The following EPHA6 variants were observed in gnomAD, a reference collection of about 807,000 sequenced individuals.
The protein encoded by EPHA6 is EPH receptor A6, also known as ephrin type-A receptor 6.
EPHA6 carries 50 observed loss-of-function variants against 112.0 expected under a neutral mutation model. That is an observed-to-expected ratio of 0.45 (90% CI 0.36 to 0.56). EPHA6 has a LOEUF of 0.56. EPHA6 is among the 20% of genes least tolerant of loss of function. The pLI is 0.00. For missense variants in EPHA6, 1,280 were observed against 1,417.4 expected (o/e 0.90, Z 1.56); for synonymous variants, 529 against 490.7 (o/e 1.08, Z -1.03).
intron 2 of EPHA6, among the ~76,000 whole-genome samples, chr3:96,904,942 G>T (rs1451482266): frequency 6.6e-6 from 1 of 152,084 alleles, no homozygotes; most frequent in Non-Finnish European, 1.5e-5. Flanking sequence ...TAGCACCCTT[G>T]TTTATGCTGA....
intron 10 of EPHA6, among the ~76,000 whole-genome samples, chr3:97,510,457 T>C (rs1438508682): frequency 6.6e-6 from 1 of 152,188 alleles, no homozygotes; most frequent in Non-Finnish European, 1.5e-5. Flanking sequence ...CTGCTGCAGG[T>C]CTGCTGGGGT....
In EPHA6 at chr3:97,748,722, T is replaced by C. The variant is rs1363032813; in HGVS notation, c.*21T>C. The stretch of plus-strand genomic sequence containing the variant: ...TATGAAAGTACCACAAGCACCTGTG[T>C]TTTGTGCCTCAGCATTTCTAAAATG... On this transcript the variant is annotated 3_prime_UTR_variant, in exon 18 of 18. Transcript: ENST00000389672. The C allele has an allele frequency of 7.7e-7, 1 of 1,297,746 alleles. No individual in the cohort carries two copies. The highest frequency in any genetic ancestry group is 2.3e-5 in the East Asian group (1 of 43,324). 80.4% of individuals were successfully genotyped at this position (1,297,746 alleles called of 1,614,324 possible).
chr3:97,366,443 T>A (rs1432882567), intron 5 of EPHA6, among the ~76,000 whole-genome samples: 1 of 152,202 alleles, frequency 6.6e-6, no homozygotes, highest in Non-Finnish European at 1.5e-5. Flanking sequence ...TGTAAAACCG[T>A]CTTTTAAAAT....
At chr3:97,581,962 G>T (rs1025712229) in intron 11 of EPHA6, among the ~76,000 whole-genome samples, 1 of 152,158 alleles carries the variant, frequency 6.6e-6, no homozygotes, top group East Asian at 1.9e-4. Flanking sequence ...GAATCTTCCT[G>T]TATGTTTGCA....
intron 3 of EPHA6, among the ~76,000 whole-genome samples, chr3:97,072,614 A>C (rs1375952249): frequency 6.6e-6 from 1 of 152,130 alleles, no homozygotes; most frequent in East Asian, 1.9e-4. Flanking sequence ...AATACAGGGC[A>C]AAAACTAACT....
At chr3:97,191,211 T>A (rs1050595502) in intron 3 of EPHA6, among the ~76,000 whole-genome samples, 3 of 152,060 alleles carry the variant, frequency 2.0e-5, no homozygotes, top group African/African-American at 4.8e-5. Flanking sequence ...GGTATATATA[T>A]TTTTGGGGTG....
chr3:97,611,036 G>A (rs2093715768), intron 13 of EPHA6, among the ~76,000 whole-genome samples, 182 bp downstream of exon 13: 1 of 151,530 alleles, frequency 6.6e-6, no homozygotes, highest in South Asian at 2.1e-4. Context: ...AAGGGGGGAG[G>A]ATGTACACTC....
At chr3:97,534,551 A>G (rs1157294014) in intron 11 of EPHA6, among the ~76,000 whole-genome samples, 1 of 151,636 alleles carries the variant, frequency 6.6e-6, no homozygotes, top group African/African-American at 2.4e-5. Flanking sequence ...ATAAATAACA[A>G]TCTGAATTAA....
chr3:97,324,439 T>TTC (rs1559883849), intron 5 of EPHA6, among the ~76,000 whole-genome samples: 1 of 147,908 alleles, frequency 6.8e-6, no homozygotes, highest in African/African-American at 2.5e-5. Context: ...CTTTCTTTCT[T>TTC]TCTTTCTTTC....
rs1560070612 is a variant in EPHA6 at position 97,496,809 on chromosome 3, AC to A, written c.2200+12751del. Among the ~76,000 whole-genome samples the A allele has an allele frequency of 6.4e-3, 963 of 151,530 alleles. 9 individuals are homozygous for A. The highest frequency in any genetic ancestry group is 0.022 in the African/African-American group (883 of 40,892). On this transcript the variant is annotated intron_variant, in intron 10 of 17. Coordinates refer to ENST00000389672, the MANE Select transcript of EPHA6 (RefSeq NM_001080448.3). ...CCATTACCTAAGTGCATTGATGCAC[AC>A]ACACAAAAAAAAAACCAACTGCCTC...
intron 3 of EPHA6, among the ~76,000 whole-genome samples, chr3:97,108,908 A>T: frequency 6.6e-6 from 1 of 152,138 alleles, no homozygotes; most frequent in East Asian, 1.9e-4. Flanking sequence ...CTTTCCATGT[A>T]GATGTTCAAA....
At chr3:97,345,949 T>A (rs1160615587) in intron 5 of EPHA6, among the ~76,000 whole-genome samples, 1 of 152,148 alleles carries the variant, frequency 6.6e-6, no homozygotes, top group East Asian at 1.9e-4. Flanking sequence ...ATAACCTTTT[T>A]CAAGACTATC....
chr3:97,181,724 G>A (rs968284801), intron 3 of EPHA6, among the ~76,000 whole-genome samples: 14 of 151,802 alleles, frequency 9.2e-5, no homozygotes, highest in Admixed American at 2.0e-4. Context: ...GTTGATTTTC[G>A]CACTGAGTTC....
intron 2 of EPHA6, among the ~76,000 whole-genome samples, chr3:96,923,269 AC>A (rs1212920645): frequency 2.6e-5 from 4 of 152,060 alleles, no homozygotes; most frequent in Admixed American, 6.6e-5. Flanking sequence ...AATGAAAAAA[AC>A]ATTTTTCCTC....
intron 7 of EPHA6, 97 bp downstream of exon 7, chr3:97,448,827 CT>C: frequency 7.0e-6 from 8 of 1,136,374 alleles, no homozygotes; most frequent in Non-Finnish European, 1.0e-5. Context: ...TTTTTAATAG[CT>C]TGTTTAAATG....
At chr3:96,898,178 A>G (rs976372550) in intron 2 of EPHA6, among the ~76,000 whole-genome samples, 3 of 152,194 alleles carry the variant, frequency 2.0e-5, no homozygotes, top group Admixed American at 2.0e-4. Context: ...AACTGAGACA[A>G]TGTCTGGTAA....
At position 97,339,701 on chromosome 3, in the gene EPHA6, A is replaced by G. The variant is rs528341099; in HGVS notation, c.1607-65449A>G. Among the ~76,000 whole-genome samples, 40 of 152,206 alleles carry G rather than the reference A, an allele frequency of 2.6e-4. 1 individual carries two copies. The South Asian group carries it at 8.1e-3, about 31-fold the overall frequency. On this transcript the variant is annotated intron_variant, in intron 5 of 17. Transcript: ENST00000389672. The stretch of plus-strand genomic sequence containing the variant: ...AGACTTGGGAAAAAATCAAACCTAT[A>G]TTGGTACGAGCCTAGGCCACCAAGC...
intron 11 of EPHA6, among the ~76,000 whole-genome samples, chr3:97,576,923 G>A (rs1333977154): frequency 6.6e-6 from 1 of 152,198 alleles, no homozygotes; most frequent in Non-Finnish European, 1.5e-5. Context: ...GTGAGGTTGT[G>A]ATAGCAAAAG....
intron 5 of EPHA6, among the ~76,000 whole-genome samples, chr3:97,360,252 C>A (rs148898962): frequency 6.6e-6 from 1 of 152,168 alleles, no homozygotes; most frequent in Non-Finnish European, 1.5e-5. Flanking sequence ...TTCAATTTAT[C>A]ATCTAAACCT....
Sources: gnomAD v4.1 joint callset for allele counts (sites outside exome capture counted in the v4.1 genomes callset) on GRCh38, gnomAD v4.1.1 for gene constraint, MANE v1.5 for transcripts, NCBI Gene and HGNC (gene_info 2026-07-23, HGNC 2026-07-21) for gene names.